LSAMP: variants seen among roughly 807,000 people sequenced by gnomAD.
LSAMP encodes the protein limbic system associated membrane protein, also known as limbic system-associated membrane protein.
Under a neutral mutation model 38.6 loss-of-function variants are expected in LSAMP, and 7 were observed. That is an observed-to-expected ratio of 0.18 (90% CI 0.10 to 0.34). The LOEUF (loss-of-function observed/expected upper bound fraction) is 0.34. Ranked by LOEUF, LSAMP falls within the 10% of genes least tolerant of loss-of-function variation. The probability of loss-of-function intolerance (pLI) is 1.00; values close to 1 mark genes in which losing one functional copy is unlikely to be tolerated. For synonymous variants in LSAMP, 154 were observed against 166.8 expected (o/e 0.92, Z 0.59); for missense variants, 313 against 420.0 (o/e 0.75, Z 2.23).
chr3:116,009,851 T>C (rs1378079714), intron 3 of LSAMP, among the ~76,000 whole-genome samples: 2 of 151,556 alleles, frequency 1.3e-5, no homozygotes, highest in African/African-American at 2.4e-5. Flanking sequence ...TGTCACCACA[T>C]ACATAAAGAA....
intron 6 of LSAMP, among the ~76,000 whole-genome samples, chr3:115,833,645 AAC>A (rs1934690968): frequency 6.6e-6 from 1 of 152,210 alleles, no homozygotes; most frequent in Non-Finnish European, 1.5e-5. Context: ...AAACTTATAA[AAC>A]AGCAGCTTTC....
intron 1 of LSAMP, among the ~76,000 whole-genome samples, chr3:116,091,481 T>C (rs770407872): frequency 6.6e-6 from 1 of 152,336 alleles, no homozygotes; most frequent in Non-Finnish European, 1.5e-5. Flanking sequence ...GAAGTGTCCA[T>C]GAACTCTTCG....
intron 3 of LSAMP, among the ~76,000 whole-genome samples, chr3:116,002,365 A>G (rs1389155712): frequency 6.6e-6 from 1 of 152,236 alleles, no homozygotes; most frequent in African/African-American, 2.4e-5. Flanking sequence ...TCTTGGTGCC[A>G]GACACTGGAG....
chr3:116,049,302 C>T (rs1576332657), intron 2 of LSAMP, among the ~76,000 whole-genome samples: 1 of 152,140 alleles, frequency 6.6e-6, no homozygotes, highest in African/African-American at 2.4e-5. Flanking sequence ...TGATTCAGGG[C>T]CAGCCTGTAG....
At chr3:116,154,635 G>A (rs950543309) in intron 1 of LSAMP, among the ~76,000 whole-genome samples, 5 of 151,968 alleles carry the variant, frequency 3.3e-5, no homozygotes, top group African/African-American at 1.2e-4. Context: ...AGCTCCACTG[G>A]GCTCTTTTCA....
intron 1 of LSAMP, among the ~76,000 whole-genome samples, chr3:116,254,990 A>T (rs1374140209): frequency 6.6e-6 from 1 of 152,162 alleles, no homozygotes; most frequent in Non-Finnish European, 1.5e-5. Flanking sequence ...GATGTTAGGA[A>T]AGCATCTTTC....
chr3:115,858,160 TCTCTCA>T (rs879696693), intron 3 of LSAMP, among the ~76,000 whole-genome samples: 17 of 137,770 alleles, frequency 1.2e-4, no homozygotes, highest in East Asian at 4.2e-4. Flanking sequence ...TCTCTCTCTC[TCTCTCA>T]CACACACACA....
intron 1 of LSAMP, among the ~76,000 whole-genome samples, chr3:116,372,032 T>C: frequency 6.6e-6 from 1 of 152,020 alleles, no homozygotes; most frequent in Non-Finnish European, 1.5e-5. Context: ...AAAGAAGTTA[T>C]AAGTAAATGG....
At chr3:116,116,029 CT>C (rs1197130574) in intron 1 of LSAMP, among the ~76,000 whole-genome samples, 5 of 142,488 alleles carry the variant, frequency 3.5e-5, no homozygotes, top group Admixed American at 6.9e-5. Context: ...TTTTTTTTTT[CT>C]TTTTTTTTCT....
chr3:115,997,189 T>C (rs1018562356), intron 3 of LSAMP, among the ~76,000 whole-genome samples: 9 of 152,172 alleles, frequency 5.9e-5, no homozygotes, highest in Admixed American at 5.9e-4. Flanking sequence ...TAGACTTACT[T>C]TGTGTTCATT....
At chr3:116,430,692 T>G (rs1377331577) in intron 1 of LSAMP, among the ~76,000 whole-genome samples, 1 of 152,000 alleles carries the variant, frequency 6.6e-6, no homozygotes, top group Non-Finnish European at 1.5e-5. Flanking sequence ...ATTATTATAA[T>G]TTTTATTTTA....
intron 1 of LSAMP, among the ~76,000 whole-genome samples, chr3:116,271,060 G>T (rs2046965558): frequency 1.3e-5 from 2 of 152,020 alleles, no homozygotes; most frequent in South Asian, 4.1e-4. Flanking sequence ...ATAGGGTTAG[G>T]TAAATACACA....
At chr3:116,126,819 G>A (rs369653910) in intron 1 of LSAMP, among the ~76,000 whole-genome samples, 1 of 152,140 alleles carries the variant, frequency 6.6e-6, no homozygotes, top group East Asian at 1.9e-4. Flanking sequence ...CTGAGATCAT[G>A]CCACTGCACT....
At chr3:116,241,552 T>C (rs1488671041) in intron 1 of LSAMP, among the ~76,000 whole-genome samples, 1 of 152,020 alleles carries the variant, frequency 6.6e-6, no homozygotes, top group Non-Finnish European at 1.5e-5. Context: ...GGCAACAGAG[T>C]GAGATTCTGT....
At chr3:116,212,252 T>C (rs1393430253) in intron 1 of LSAMP, among the ~76,000 whole-genome samples, 1 of 152,210 alleles carries the variant, frequency 6.6e-6, no homozygotes, top group Non-Finnish European at 1.5e-5. Context: ...AGTTCAGTTC[T>C]AGGTGCCAAG....
intron 3 of LSAMP, among the ~76,000 whole-genome samples, chr3:115,935,062 C>CA (rs573594286): frequency 1.4e-5 from 2 of 146,304 alleles, no homozygotes; most frequent in East Asian, 2.0e-4. Context: ...AAACAAAAAA[C>CA]AAAAAAAACC....
Position 116,164,651 on chromosome 3 carries a change from A to AAT in LSAMP, c.156-78097_156-78096dup, listed in dbSNP as rs1379641336. ...CAAATATATATATATATATAATCCAAATATATATATATAATCCAAATATAT... is the reference window on the plus strand; with the variant it reads ...CAAATATATATATATATATAATCCAAATATATATATATATAATCCAAATATAT... On this transcript the variant is annotated intron_variant, in intron 1 of 6. Transcript: ENST00000490035. Among the ~76,000 whole-genome samples the AAT allele has an allele frequency of 3.2e-3, 295 of 91,838 alleles. 14 individuals carry two copies. Among genetic ancestry groups the AAT allele is most frequent in the African/African-American group, 7.3e-3 (184 of 25,308 alleles). 60.2% of individuals were successfully genotyped at this position (91,838 alleles called of 152,430 possible). A position where few individuals can be genotyped will look rare whatever the true frequency, so the allele number is the denominator to read the frequency against.
At chr3:115,815,591 C>T (rs926266100) in intron 6 of LSAMP, among the ~76,000 whole-genome samples, 5 of 152,144 alleles carry the variant, frequency 3.3e-5, no homozygotes, top group African/African-American at 1.2e-4. Flanking sequence ...TAGTCCAATA[C>T]GTAGAACTTC....
At chr3:116,309,261 T>C (rs995777432) in intron 1 of LSAMP, among the ~76,000 whole-genome samples, 2 of 152,074 alleles carry the variant, frequency 1.3e-5, no homozygotes, top group Non-Finnish European at 2.9e-5. Context: ...TAGGTCTAAG[T>C]ATATCATTGC....
Sources: allele counts gnomAD v4.1 joint callset (sites outside exome capture counted in the v4.1 genomes callset), GRCh38; gene constraint gnomAD v4.1.1; transcripts MANE v1.5; gene names NCBI Gene and HGNC (gene_info 2026-07-23, HGNC 2026-07-21).